Variants in ZFHX3 observed in about 807,000 individuals in gnomAD.
The protein encoded by ZFHX3 is zinc finger homeobox 3.
ZFHX3 carries 42 observed loss-of-function variants against 279.1 expected under a neutral mutation model. That is an observed-to-expected ratio of 0.15 (90% CI 0.12 to 0.19). The LOEUF (loss-of-function observed/expected upper bound fraction) is 0.19, where lower values mean the gene tolerates loss of function less well. Ranked by LOEUF, ZFHX3 falls within the 10% of genes least tolerant of loss-of-function variation. The pLI is 1.00. For synonymous variants in ZFHX3, 2,293 were observed against 1,957.8 expected (o/e 1.17, Z -4.52); for missense variants, 4,981 against 4,754.0 (o/e 1.05, Z -1.40).
intron 1 of ZFHX3, among the ~76,000 whole-genome samples, chr16:72,977,239 C>T (rs551049286): frequency 1.3e-5 from 2 of 152,236 alleles, no homozygotes; most frequent in African/African-American, 4.8e-5. Context: ...CTGGGACCAG[C>T]GACTTTATAA....
At chr16:73,471,389 G>A (rs1339717993) in intron 2 of ZFHX3, among the ~76,000 whole-genome samples, 2 of 151,998 alleles carry the variant, frequency 1.3e-5, no homozygotes, top group East Asian at 1.9e-4. Context: ...AACCAATCTA[G>A]TTTGTGAATC....
chr16:73,019,867 A>C (rs1964240816), intron 1 of ZFHX3, among the ~76,000 whole-genome samples: 1 of 152,236 alleles, frequency 6.6e-6, no homozygotes, highest in African/African-American at 2.4e-5. Context: ...CACTGGTAAG[A>C]AAAATGAGAG....
At chr16:73,096,569 AT>A (rs34575437) in intron 7 of ZFHX3, among the ~76,000 whole-genome samples, 614 of 140,084 alleles carry the variant, frequency 4.4e-3, no homozygotes, top group Middle Eastern at 0.011. Context: ...AGCCCAGCTA[AT>A]TTTTTTTTTT....
rs1296855983 is a variant in ZFHX3, at chr16:73,172,988, G to GT, written c.-1103-29158dup. Among the ~76,000 whole-genome samples, 68 of 46,130 alleles carry GT rather than the reference G, an allele frequency of 1.5e-3. 1 individual carries two copies. Among genetic ancestry groups the GT allele is most frequent in the African/African-American group, 3.4e-3 (28 of 8,308 alleles). 30.3% of individuals were successfully genotyped at this position (46,130 alleles called of 152,430 possible). A position where few individuals can be genotyped will look rare whatever the true frequency, so the allele number is the denominator to read the frequency against. On this transcript the variant is annotated intron_variant, in intron 5 of 17. Coordinates refer to the ZFHX3 transcript ENST00000641206. ...CCCCCTGCTGTTTCCTGATGGGACT[G>GT]TTTTTTTGTTTTTTTTTTTGTTTTT... is the stretch of plus-strand genomic sequence containing the variant.
At chr16:73,834,196 A>G (rs1033436881) in intron 1 of ZFHX3, among the ~76,000 whole-genome samples, 1 of 152,148 alleles carries the variant, frequency 6.6e-6, no homozygotes, top group Non-Finnish European at 1.5e-5. Flanking sequence ...TGTCCCAGGA[A>G]ATCACTCTCT....
intron 1 of ZFHX3, among the ~76,000 whole-genome samples, chr16:73,691,619 C>A (rs1045637669): frequency 5.3e-5 from 8 of 152,114 alleles, no homozygotes; most frequent in Non-Finnish European, 1.0e-4. Context: ...TTTACAACAA[C>A]TCCATGGGAT....
chr16:73,210,748 G>A (rs1326130723), intron 5 of ZFHX3, among the ~76,000 whole-genome samples: 2 of 152,160 alleles, frequency 1.3e-5, no homozygotes, highest in East Asian at 1.9e-4. Context: ...GAGTCATGAG[G>A]CTCCTCTAAC....
intron 2 of ZFHX3, among the ~76,000 whole-genome samples, chr16:73,497,058 C>T (rs901073102): frequency 5.3e-5 from 8 of 152,172 alleles, no homozygotes; most frequent in East Asian, 1.9e-4. Flanking sequence ...CCTCCTCCCC[C>T]GCCACACCAC....
At chr16:73,210,726 A>G (rs538950002) in intron 5 of ZFHX3, among the ~76,000 whole-genome samples, 64 of 152,340 alleles carry the variant, frequency 4.2e-4, no homozygotes, top group African/African-American at 1.3e-3. Context: ...TGTCACAATT[A>G]ATCCTCTCTC....
At chr16:73,261,321 A>G (rs1292578040) in intron 4 of ZFHX3, among the ~76,000 whole-genome samples, 1 of 152,214 alleles carries the variant, frequency 6.6e-6, no homozygotes. Context: ...ATATGTCTAT[A>G]TGCTTGCTGA....
At chr16:73,607,638 T>C (rs1007808679) in intron 2 of ZFHX3, among the ~76,000 whole-genome samples, 3 of 152,210 alleles carry the variant, frequency 2.0e-5, no homozygotes, top group African/African-American at 7.2e-5. Flanking sequence ...AAAATTTCTA[T>C]ATCAACACAA....
chr16:73,766,524 A>G (rs1354522593), intron 1 of ZFHX3, among the ~76,000 whole-genome samples: 2 of 152,212 alleles, frequency 1.3e-5, no homozygotes, highest in African/African-American at 4.8e-5. Context: ...GGGGCCACCA[A>G]TGCATCCTAT....
intron 2 of ZFHX3, among the ~76,000 whole-genome samples, chr16:73,460,106 C>G (rs113245043): frequency 2.6e-5 from 4 of 152,248 alleles, no homozygotes; most frequent in African/African-American, 9.6e-5. Context: ...TTGGGCCACA[C>G]CCCCTTCCCT....
At chr16:73,619,857 A>G (rs1207593330) in intron 2 of ZFHX3, among the ~76,000 whole-genome samples, 1 of 152,034 alleles carries the variant, frequency 6.6e-6, no homozygotes, top group African/African-American at 2.4e-5. Context: ...AGTTTTTCTC[A>G]TGTGAGTCTC....
intron 3 of ZFHX3, among the ~76,000 whole-genome samples, chr16:72,929,194 C>A (rs965850137): frequency 6.7e-6 from 1 of 149,910 alleles, no homozygotes; most frequent in Non-Finnish European, 1.5e-5. Flanking sequence ...GCCGAGATGG[C>A]GCCACTGCAC....
intron 3 of ZFHX3, among the ~76,000 whole-genome samples, chr16:73,441,194 G>C (rs1043242372): frequency 4.6e-5 from 7 of 152,096 alleles, no homozygotes; most frequent in African/African-American, 1.7e-4. Context: ...TTTCTATTTA[G>C]CAGCAGGATA....
rs576389718 is a variant in ZFHX3, at chr16:72,882,499, G to A, written c.3448+7232C>T. On this transcript the variant is annotated intron_variant, in intron 4 of 9. Coordinates refer to ENST00000268489, the MANE Select transcript of ZFHX3 (RefSeq NM_006885.4). The stretch of plus-strand genomic sequence containing the variant: ...GAATCACTGCAACTCAGGCCACTGC[G>A]GCCAGGTCTAGATAACTGCTGAAAA... Among the ~76,000 whole-genome samples the A allele has an allele frequency of 2.0e-4, 30 of 152,200 alleles. No individual in the cohort carries two copies. In the South Asian group the frequency reaches 3.1e-3, roughly 16 times the overall value.
chr16:73,557,599 T>A (rs2020307101), intron 2 of ZFHX3, among the ~76,000 whole-genome samples: 1 of 152,160 alleles, frequency 6.6e-6, no homozygotes, highest in Non-Finnish European at 1.5e-5. Flanking sequence ...TGTCATGGCA[T>A]TTGTAAACTG....
intron 5 of ZFHX3, among the ~76,000 whole-genome samples, chr16:73,189,764 C>T (rs192198782): frequency 9.2e-5 from 14 of 152,174 alleles, no homozygotes; most frequent in Admixed American, 4.6e-4. Context: ...TGAGCATCTC[C>T]GTGTACCGGG....
Sources: gnomAD v4.1 joint callset for allele counts (sites outside exome capture counted in the v4.1 genomes callset) on GRCh38, gnomAD v4.1.1 for gene constraint, MANE v1.5 for transcripts, NCBI Gene and HGNC (gene_info 2026-07-23, HGNC 2026-07-21) for gene names.